The following PLEKHH2 variants were observed in gnomAD, a reference collection of about 807,000 sequenced individuals.
PLEKHH2 encodes the protein pleckstrin homology domain-containing family H member 2.
A neutral mutation model predicts 187.9 loss-of-function variants in PLEKHH2; 129 were observed. That is an observed-to-expected ratio of 0.69 (90% CI 0.59 to 0.79). The LOEUF (loss-of-function observed/expected upper bound fraction) is 0.79. PLEKHH2 is among the 30% of genes least tolerant of loss of function. PLEKHH2 has a pLI of 0.00. For synonymous variants in PLEKHH2, 686 were observed against 605.6 expected (o/e 1.13, Z -1.95); for missense variants, 2,076 against 1,751.2 (o/e 1.19, Z -3.31).
chr2:43,656,157 A>G (rs1666747489), intron 2 of PLEKHH2, among the ~76,000 whole-genome samples: 1 of 152,032 alleles, frequency 6.6e-6, no homozygotes, highest in Non-Finnish European at 1.5e-5. Context: ...GGATTTTGCC[A>G]TGTTGGCCAG....
Position 43,729,629 on chromosome 2 carries a change from G to A in PLEKHH2, c.2722-8G>A. ...CTTAACATTTAATTAATATGTTCTG[G>A]TTTTAAGGACACTTGGCTTTATCAT... On this transcript the variant is annotated splice_region_variant and splice_polypyrimidine_tract_variant and intron_variant, in intron 17 of 29. Transcript: ENST00000282406. 13 of 1,567,690 alleles carry A rather than the reference G, an allele frequency of 8.3e-6. No individual in the cohort carries two copies. The highest frequency in any genetic ancestry group is 2.3e-5 in the East Asian group (1 of 43,910).
rs754375049 is a variant in PLEKHH2, at chr2:43,692,597, T to C, written c.270T>C (p.Asp90=). The C allele has an allele frequency of 6.2e-7, 1 of 1,611,782 alleles. No homozygotes were observed. The highest frequency in any genetic ancestry group is 8.5e-7 in the Non-Finnish European group (1 of 1,178,256). The stretch of plus-strand genomic sequence containing the variant: ...CAAGATTATATAATAAGTGTCAAGA[T>C]CTGGAGTCGCTAATACAGGAAAAAG... ...SETRLYNKCQ[D]LESLIQEKDD... The change falls in exon 4 of 30, where the codon GAT becomes GAC. Residue 90 remains aspartate, a synonymous_variant. Coordinates refer to ENST00000282406, the MANE Select transcript of PLEKHH2 (RefSeq NM_172069.4).
intron 2 of PLEKHH2, among the ~76,000 whole-genome samples, chr2:43,652,580 G>C (rs759167215): frequency 6.6e-6 from 1 of 152,194 alleles, no homozygotes; most frequent in African/African-American, 2.4e-5. Context: ...ATGAGTCCAG[G>C]AGGAAAGAAA....
At chr2:43,670,232 C>T (rs994597396) in intron 2 of PLEKHH2, among the ~76,000 whole-genome samples, 1 of 152,142 alleles carries the variant, frequency 6.6e-6, no homozygotes, top group Non-Finnish European at 1.5e-5. Context: ...CATGGACTAC[C>T]ATGTTTCAGA....
intron 22 of PLEKHH2, among the ~76,000 whole-genome samples, chr2:43,743,510 A>G (rs1019625740): frequency 6.6e-6 from 1 of 152,220 alleles, no homozygotes; most frequent in African/African-American, 2.4e-5. Flanking sequence ...TTGATTAAAG[A>G]TTGCATATTG....
intron 3 of PLEKHH2, among the ~76,000 whole-genome samples, chr2:43,682,814 A>G (rs1441972024): frequency 2.6e-5 from 4 of 152,096 alleles, no homozygotes; most frequent in Non-Finnish European, 5.9e-5. Flanking sequence ...ATATAAATGG[A>G]TTTATATACT....
At chr2:43,743,005 G>C (rs1671639626) in intron 22 of PLEKHH2, 87 bp downstream of exon 22, 1 of 1,072,024 alleles carries the variant, frequency 9.3e-7, no homozygotes, top group Admixed American at 3.1e-5. Flanking sequence ...GCTTACTTTT[G>C]TCAGCACCTG....
chr2:43,685,785 C>T (rs1427323358), intron 3 of PLEKHH2, among the ~76,000 whole-genome samples: 1 of 152,070 alleles, frequency 6.6e-6, no homozygotes, highest in Admixed American at 6.5e-5. Flanking sequence ...AGTTTGGAAG[C>T]AATGTGATCA....
At chr2:43,734,473 C>T (rs968693447) in intron 19 of PLEKHH2, among the ~76,000 whole-genome samples, 9 of 152,106 alleles carry the variant, frequency 5.9e-5, no homozygotes, top group Non-Finnish European at 1.0e-4. Context: ...AGAAGACATA[C>T]AAATGGCCAA....
chr2:43,638,262 CA>C (rs1703209288), intron 1 of PLEKHH2, among the ~76,000 whole-genome samples: 2 of 97,434 alleles, frequency 2.1e-5, no homozygotes, highest in Non-Finnish European at 4.8e-5. Flanking sequence ...CACACACACA[CA>C]CACACACACA....
chr2:43,668,411 A>T (rs1033937936), intron 2 of PLEKHH2, among the ~76,000 whole-genome samples: 2 of 152,172 alleles, frequency 1.3e-5, no homozygotes, highest in African/African-American at 4.8e-5. Flanking sequence ...TTCATAAAAT[A>T]TTAGATCATT....
In PLEKHH2 at chr2:43,738,406, C is replaced by G. The variant is rs373453288; in HGVS notation, c.3009C>G (p.Ala1003=). The change falls in exon 20 of 30, where the codon GCC becomes GCG. Residue 1003 remains alanine (A), a synonymous_variant. Coordinates refer to ENST00000282406, the MANE Select transcript of PLEKHH2 (RefSeq NM_172069.4). ...SPAIDYHISL[A]QSALQICLTH... ...CAATTGATTACCACATATCTTTAGC[C>G]CAGAGTGCTTTGCAAATCTGCCTGA... 1.1e-5 allele frequency: 18 copies of G among 1,613,804 alleles called. No individual in the cohort carries two copies. In the African/African-American group the frequency reaches 2.4e-4, roughly 22 times the overall value.
At chr2:43,725,169 T>G (rs1185312661) in intron 16 of PLEKHH2, among the ~76,000 whole-genome samples, 1 of 151,088 alleles carries the variant, frequency 6.6e-6, no homozygotes, top group East Asian at 1.9e-4. Context: ...CAGAGCAGAG[T>G]TTTTTTTATC....
intron 15 of PLEKHH2, among the ~76,000 whole-genome samples, chr2:43,719,740 C>T (rs371546135): frequency 1.8e-4 from 27 of 152,236 alleles, no homozygotes; most frequent in African/African-American, 6.3e-4. Flanking sequence ...GCACAGCCTT[C>T]ATCTTCTCAC....
chr2:43,732,949 T>C (rs1179232294), intron 19 of PLEKHH2, among the ~76,000 whole-genome samples: 1 of 150,350 alleles, frequency 6.7e-6, no homozygotes, highest in Non-Finnish European at 1.5e-5. Flanking sequence ...CTTTCTGCCT[T>C]GTGCTTGTCT....
chr2:43,708,301 G>C (rs1224095343), intron 11 of PLEKHH2, among the ~76,000 whole-genome samples: 2 of 152,124 alleles, frequency 1.3e-5, no homozygotes, highest in Non-Finnish European at 2.9e-5. Flanking sequence ...TCCAGGATTC[G>C]GTCACGTACT....
chr2:43,641,231 G>A (rs1665898554), intron 1 of PLEKHH2, among the ~76,000 whole-genome samples: 1 of 152,060 alleles, frequency 6.6e-6, no homozygotes, highest in Non-Finnish European at 1.5e-5. Context: ...GCACTTTCTT[G>A]ATAGTGTCCT....
At chr2:43,669,108 CT>C (rs1667374042) in intron 2 of PLEKHH2, among the ~76,000 whole-genome samples, 1 of 152,184 alleles carries the variant, frequency 6.6e-6, no homozygotes, top group Admixed American at 6.5e-5. Flanking sequence ...AAGGCCCCTA[CT>C]TGGGCAAAGT....
intron 2 of PLEKHH2, among the ~76,000 whole-genome samples, chr2:43,667,845 G>T (rs533427980): frequency 1.3e-5 from 2 of 152,080 alleles, no homozygotes; most frequent in Non-Finnish European, 2.9e-5. Flanking sequence ...TGATGAAACT[G>T]TTCTGGAATT....
Sources: gnomAD v4.1 joint callset for allele counts (sites outside exome capture counted in the v4.1 genomes callset) on GRCh38, gnomAD v4.1.1 for gene constraint, MANE v1.5 for transcripts, NCBI Gene and HGNC (gene_info 2026-07-23, HGNC 2026-07-21) for gene names.